Variants in SCHIP1 observed in about 807,000 individuals in gnomAD.
The protein encoded by SCHIP1 is schwannomin interacting protein 1.
In SCHIP1, 8 loss-of-function variants were observed where a neutral mutation model predicts 29.7. The ratio of observed to expected loss-of-function variants is 0.27; its 90% CI spans 0.16 to 0.49. SCHIP1 has a LOEUF of 0.49. Among genes scored for constraint, SCHIP1 ranks in the 20% least tolerant of loss-of-function variants. The probability of loss-of-function intolerance (pLI) is 0.99; values close to 1 mark genes in which losing one functional copy is unlikely to be tolerated. For synonymous variants in SCHIP1, 76 were observed against 94.9 expected (o/e 0.80, Z 1.16); for missense variants, 193 against 294.6 (o/e 0.66, Z 2.52).
chr3:159,652,784 C>G, the SCHIP1 span, among the ~76,000 whole-genome samples: 2 of 152,116 alleles, frequency 1.3e-5, no homozygotes, highest in Non-Finnish European at 2.9e-5. Flanking sequence ...ATGAGGTGAT[C>G]TTTAAAATTG....
the SCHIP1 span, among the ~76,000 whole-genome samples, chr3:159,421,569 T>C: frequency 6.6e-6 from 1 of 152,236 alleles, no homozygotes; most frequent in African/African-American, 2.4e-5. Context: ...GTAGCAATGT[T>C]TCACAGATAT....
At chr3:159,422,622 G>A in the SCHIP1 span, among the ~76,000 whole-genome samples, 1 of 152,104 alleles carries the variant, frequency 6.6e-6, no homozygotes, top group Non-Finnish European at 1.5e-5. Flanking sequence ...CCTCCAAGAT[G>A]AACCACTAAC....
At chr3:159,612,372 C>A in the SCHIP1 span, among the ~76,000 whole-genome samples, 1 of 152,126 alleles carries the variant, frequency 6.6e-6, no homozygotes, top group African/African-American at 2.4e-5. Context: ...ATTAAACTGG[C>A]CTAGAGGTTT....
the SCHIP1 span, among the ~76,000 whole-genome samples, chr3:159,817,772 C>T: frequency 2.0e-5 from 3 of 152,160 alleles, no homozygotes; most frequent in East Asian, 1.9e-4. Flanking sequence ...GTGCTTTTGT[C>T]GCTGTATTCT....
At chr3:159,529,535 G>GCAATA in the SCHIP1 span, among the ~76,000 whole-genome samples, 1 of 152,122 alleles carries the variant, frequency 6.6e-6, no homozygotes, top group Non-Finnish European at 1.5e-5. Flanking sequence ...TTTGATGCAA[G>GCAATA]CATACAATGT....
the SCHIP1 span, among the ~76,000 whole-genome samples, chr3:159,418,841 T>G: frequency 1.3e-5 from 2 of 152,176 alleles, no homozygotes; most frequent in African/African-American, 4.8e-5. Flanking sequence ...ACCTCTCCTT[T>G]CATAAAATTC....
At chr3:159,828,365 A>ATATATATAAACG in the SCHIP1 span, among the ~76,000 whole-genome samples, 1 of 121,514 alleles carries the variant, frequency 8.2e-6, no homozygotes, top group African/African-American at 3.6e-5. Context: ...TAACCTTTAT[A>ATATATATAAACG]TATATATATA....
chr3:159,584,208 A>C, the SCHIP1 span, among the ~76,000 whole-genome samples: 2 of 152,144 alleles, frequency 1.3e-5, no homozygotes, highest in Non-Finnish European at 2.9e-5. Context: ...TTAGAAGTCT[A>C]GGGGATTTGT....
chr3:159,746,768 G>A, the SCHIP1 span, among the ~76,000 whole-genome samples: 6 of 151,960 alleles, frequency 3.9e-5, no homozygotes, highest in Admixed American at 3.3e-4. Flanking sequence ...CTTCACTTGC[G>A]GGAGATGGAC....
chr3:159,886,309 C>T, exon 3 of SCHIP1: 1 of 1,613,882 alleles, frequency 6.2e-7, no homozygotes, highest in Admixed American at 1.7e-5. Context: ...GCTTGGACAC[C>T]CCCTTGTCTC....
the SCHIP1 span, among the ~76,000 whole-genome samples, chr3:159,433,172 G>A: frequency 1.7e-3 from 262 of 152,288 alleles, no homozygotes; most frequent in Non-Finnish European, 3.2e-3. Flanking sequence ...AGCTGAAAAA[G>A]CATATCTGGC....
the SCHIP1 span, among the ~76,000 whole-genome samples, chr3:159,323,841 A>T: frequency 6.6e-6 from 1 of 152,194 alleles, no homozygotes; most frequent in Non-Finnish European, 1.5e-5. Context: ...TGGCCTGGGA[A>T]TGCTATCGGT....
chr3:159,446,726 T>G, the SCHIP1 span, among the ~76,000 whole-genome samples: 3 of 152,150 alleles, frequency 2.0e-5, no homozygotes, highest in African/African-American at 7.2e-5. Context: ...TCAAATCCTC[T>G]CAATACTGTC....
the SCHIP1 span, among the ~76,000 whole-genome samples, chr3:159,370,495 T>A: frequency 1.8e-4 from 27 of 152,352 alleles, no homozygotes; most frequent in African/African-American, 6.5e-4. Flanking sequence ...AATTTTAATG[T>A]GTCAACTTGA....
chr3:159,489,760 A>G, the SCHIP1 span, among the ~76,000 whole-genome samples: 2 of 152,172 alleles, frequency 1.3e-5, no homozygotes, highest in African/African-American at 2.4e-5. Flanking sequence ...ATTTAATTCT[A>G]TAGCATTTTT....
chr3:159,543,044 T>TAC, the SCHIP1 span, among the ~76,000 whole-genome samples: 2 of 151,416 alleles, frequency 1.3e-5, no homozygotes, highest in Non-Finnish European at 2.9e-5. Context: ...TATATATATA[T>TAC]ACACACATGC....
At chr3:159,301,916 G>T in the SCHIP1 span, among the ~76,000 whole-genome samples, 1 of 152,168 alleles carries the variant, frequency 6.6e-6, no homozygotes, top group African/African-American at 2.4e-5. Flanking sequence ...TGAAATTTCT[G>T]GTGATGGTAA....
chr3:159,656,311 A>G, the SCHIP1 span, among the ~76,000 whole-genome samples: 2 of 152,158 alleles, frequency 1.3e-5, no homozygotes, highest in Admixed American at 6.5e-5. Flanking sequence ...ATAAAGGTTG[A>G]CATTTCCAGA....
chr3:159,763,363 G>A, the SCHIP1 span, among the ~76,000 whole-genome samples: 1 of 152,102 alleles, frequency 6.6e-6, no homozygotes, highest in African/African-American at 2.4e-5. Context: ...CGCCAGGCTC[G>A]TGCTTTGGGA....
Sources: allele counts gnomAD v4.1 joint callset (sites outside exome capture counted in the v4.1 genomes callset), GRCh38; gene constraint gnomAD v4.1.1; transcripts MANE v1.5; gene names NCBI Gene and HGNC (gene_info 2026-07-23, HGNC 2026-07-21).